ADAMTS16: variants seen among roughly 807,000 people sequenced by gnomAD.
The protein encoded by ADAMTS16 is A disintegrin and metalloproteinase with thrombospondin motifs 16.
A neutral mutation model predicts 145.8 loss-of-function variants in ADAMTS16; 94 were observed. That is an observed-to-expected ratio of 0.64 (90% CI 0.55 to 0.77). The LOEUF (loss-of-function observed/expected upper bound fraction) is 0.77, where lower values mean the gene tolerates loss of function less well. ADAMTS16 is among the 30% of genes least tolerant of loss of function. The probability of loss-of-function intolerance (pLI) is 0.00; values close to 1 mark genes in which losing one functional copy is unlikely to be tolerated. For missense variants in ADAMTS16, 1,585 were observed against 1,591.5 expected (o/e 1.00, Z 0.07); for synonymous variants, 659 against 604.3 (o/e 1.09, Z -1.33).
At chr5:5,184,772 G>C (rs556672577) in intron 4 of ADAMTS16, among the ~76,000 whole-genome samples, 1 of 151,908 alleles carries the variant, frequency 6.6e-6, no homozygotes, top group Non-Finnish European at 1.5e-5. Context: ...TTTCAGAGCC[G>C]AGGCCCGTGA....
intron 21 of ADAMTS16, among the ~76,000 whole-genome samples, chr5:5,316,219 T>A (rs1423923969): frequency 6.6e-6 from 1 of 152,304 alleles, no homozygotes; most frequent in East Asian, 1.9e-4. Flanking sequence ...GTCTCTGACA[T>A]ACTCTCTTGT....
At chr5:5,156,595 A>G (rs1734611029) in intron 3 of ADAMTS16, among the ~76,000 whole-genome samples, 3 of 152,212 alleles carry the variant, frequency 2.0e-5, no homozygotes, top group South Asian at 4.1e-4. Context: ...TTCCTCCCCC[A>G]TGGTAGGCTG....
chr5:5,318,923 C>A, intron 22 of ADAMTS16, 100 bp from the exon 23 acceptor site: 5 of 833,288 alleles, frequency 6.0e-6, no homozygotes, highest in Middle Eastern at 2.6e-4. Context: ...AGCCGCAGAG[C>A]GTGACAAATT....
chr5:5,198,487 G>T (rs1277662483), intron 8 of ADAMTS16, among the ~76,000 whole-genome samples: 1 of 152,092 alleles, frequency 6.6e-6, no homozygotes, highest in Admixed American at 6.5e-5. Context: ...ACTATTACAT[G>T]AATCCCAGCT....
chr5:5,173,001 T>A (rs1010354046), intron 3 of ADAMTS16, among the ~76,000 whole-genome samples: 1 of 152,204 alleles, frequency 6.6e-6, no homozygotes, highest in African/African-American at 2.4e-5. Flanking sequence ...TTATAGTTTT[T>A]GTCTTGAAAT....
chr5:5,187,571 C>T (rs115925507), intron 5 of ADAMTS16, among the ~76,000 whole-genome samples, 154 bp from the exon 6 acceptor site: 2,340 of 152,280 alleles, frequency 0.015, 28 homozygotes, highest in Middle Eastern at 0.034. Context: ...GGCTTTTTAC[C>T]GTGATATGAT....
In ADAMTS16 at chr5:5,261,735, C is replaced by T. The variant is rs143819155; in HGVS notation, c.2663-922C>T. On this transcript the variant is annotated intron_variant, in intron 17 of 22. Coordinates refer to ENST00000274181, the MANE Select transcript of ADAMTS16 (RefSeq NM_139056.4). Reference sequence around the variant, plus strand: ...CCCTGACCTCGTGATCCACCCGCCTCGGCCGCCCAAAGTATCTCTTTTTTA... The same window carrying T: ...CCCTGACCTCGTGATCCACCCGCCTTGGCCGCCCAAAGTATCTCTTTTTTA... 9.9e-5 allele frequency among the ~76,000 whole-genome samples: 15 copies of T among 152,282 alleles called. No individual in the cohort carries two copies. In the East Asian group the frequency reaches 2.7e-3, roughly 27 times the overall value.
intron 2 of ADAMTS16, among the ~76,000 whole-genome samples, chr5:5,142,669 G>A (rs1045219628): frequency 6.6e-6 from 1 of 152,118 alleles, no homozygotes; most frequent in African/African-American, 2.4e-5. Flanking sequence ...ATAACTAATT[G>A]TAGCCATACA....
chr5:5,240,934 A>G (rs992510720), intron 16 of ADAMTS16, among the ~76,000 whole-genome samples: 1 of 152,204 alleles, frequency 6.6e-6, no homozygotes, highest in Non-Finnish European at 1.5e-5. Context: ...TCAGAGAGAA[A>G]GATGCCTCCG....
intron 10 of ADAMTS16, among the ~76,000 whole-genome samples, chr5:5,210,160 C>T (rs1164041715): frequency 6.6e-6 from 1 of 152,136 alleles, no homozygotes; most frequent in Non-Finnish European, 1.5e-5. Context: ...ACTGCCTTTT[C>T]TTATGGGCAG....
At chr5:5,143,892 A>G (rs1192697306) in intron 2 of ADAMTS16, among the ~76,000 whole-genome samples, 3 of 152,272 alleles carry the variant, frequency 2.0e-5, no homozygotes, top group African/African-American at 7.2e-5. Context: ...AGAAAACCAA[A>G]CACTGCATGT....
intron 18 of ADAMTS16, among the ~76,000 whole-genome samples, chr5:5,266,927 T>G (rs572223591): frequency 8.5e-5 from 13 of 152,248 alleles, no homozygotes; most frequent in Middle Eastern, 3.2e-3. Context: ...TCTTATGTTG[T>G]CAGGCAAAAT....
chr5:5,171,857 T>C (rs531904858), intron 3 of ADAMTS16, among the ~76,000 whole-genome samples: 1 of 152,328 alleles, frequency 6.6e-6, no homozygotes, highest in South Asian at 2.1e-4. Flanking sequence ...ATTAATTCTT[T>C]ACATGTTTGG....
chr5:5,301,280 C>G (rs1739757334), intron 18 of ADAMTS16, among the ~76,000 whole-genome samples: 1 of 152,078 alleles, frequency 6.6e-6, no homozygotes, highest in South Asian at 2.1e-4. Flanking sequence ...CCAGGCTGGT[C>G]TCAAGCTCCT....
chr5:5,176,716 C>T (rs1275802966), intron 3 of ADAMTS16, among the ~76,000 whole-genome samples: 5 of 152,172 alleles, frequency 3.3e-5, no homozygotes, highest in Admixed American at 6.5e-5. Flanking sequence ...ATAATCATAG[C>T]GCATTCTTAA....
intron 18 of ADAMTS16, among the ~76,000 whole-genome samples, chr5:5,267,764 A>G (rs1308006241): frequency 6.6e-6 from 1 of 152,220 alleles, no homozygotes; most frequent in Admixed American, 6.5e-5. Flanking sequence ...TTGGCCACGA[A>G]AACAGAAATG....
intron 10 of ADAMTS16, among the ~76,000 whole-genome samples, chr5:5,222,133 C>A (rs1312708557): frequency 1.3e-5 from 2 of 152,240 alleles, no homozygotes; most frequent in East Asian, 3.9e-4. Flanking sequence ...GTTTACAAAT[C>A]TTTTTCATTG....
chr5:5,202,394 CA>C (rs963344114), intron 9 of ADAMTS16, among the ~76,000 whole-genome samples: 5 of 151,914 alleles, frequency 3.3e-5, no homozygotes, highest in Non-Finnish European at 5.9e-5. Flanking sequence ...ATTATATTAC[CA>C]AAAAAAGACA....
In ADAMTS16 at chr5:5,158,999, G is replaced by A. The variant is rs549468569; in HGVS notation, c.501+12544G>A. Among the ~76,000 whole-genome samples the A allele has an allele frequency of 1.2e-4, 18 of 152,322 alleles. 1 individual carries two copies. The highest frequency in any genetic ancestry group is 8.3e-4 in the South Asian group (4 of 4,824). ...ACCATCTATACTGACACCCAAAGCCGAAAGGCTGGCGCTTCTCGTAAAATC... is the reference window on the plus strand; with the variant it reads ...ACCATCTATACTGACACCCAAAGCCAAAAGGCTGGCGCTTCTCGTAAAATC... On this transcript the variant is annotated intron_variant, in intron 3 of 22. Coordinates refer to ENST00000274181, the MANE Select transcript of ADAMTS16 (RefSeq NM_139056.4).
Sources: gnomAD v4.1 joint callset for allele counts (sites outside exome capture counted in the v4.1 genomes callset) on GRCh38, gnomAD v4.1.1 for gene constraint, MANE v1.5 for transcripts, NCBI Gene and HGNC (gene_info 2026-07-23, HGNC 2026-07-21) for gene names.